The following PEX3 variants were observed in gnomAD, a reference collection of about 807,000 sequenced individuals.
The protein encoded by PEX3 is peroxisomal biogenesis factor 3, also known as peroxin-3.
PEX3 carries 30 observed loss-of-function variants against 55.8 expected under a neutral mutation model. That is an observed-to-expected ratio of 0.54 (90% CI 0.40 to 0.73). The LOEUF is 0.73. Among genes scored for constraint, PEX3 ranks in the 30% least tolerant of loss-of-function variants. PEX3 has a pLI of 0.00. For synonymous variants in PEX3, 135 were observed against 148.4 expected (o/e 0.91, Z 0.66); for missense variants, 351 against 432.8 (o/e 0.81, Z 1.68).
rs1426522557 is a variant in PEX3, at chr6:143,487,501, ATAAAT to A, written c.1039-1637_1039-1633del. Among the ~76,000 whole-genome samples the A allele has an allele frequency of 1.3e-5, 2 of 152,152 alleles. No individual in the cohort carries two copies. Among genetic ancestry groups the A allele is most frequent in the Non-Finnish European group, 2.9e-5 (2 of 67,998 alleles). ...CCAGTGTTTAAATCATTTTTAGTGT[ATAAAT>A]TAAAAACTCAATAAGATCCTTAAGA... On this transcript the variant is annotated intron_variant, in intron 11 of 11. Coordinates refer to ENST00000367591, the MANE Select transcript of PEX3 (RefSeq NM_003630.3). The surrounding 1 kb of genome is among the most constrained non-coding windows in gnomAD (Gnocchi z 5.3).
At chr6:143,473,745 G>A (rs963724419) in intron 8 of PEX3, among the ~76,000 whole-genome samples, 1 of 152,070 alleles carries the variant, frequency 6.6e-6, no homozygotes, top group African/African-American at 2.4e-5. Context: ...AGTGGTGCAT[G>A]GCTATAGTCC....
chr6:143,490,332 C>T lies in PEX3; in HGVS notation c.*1106C>T, dbSNP rs574455895. 58 of 154,034 alleles carry T rather than the reference C, an allele frequency of 3.8e-4. No homozygotes were observed. The highest frequency in any genetic ancestry group is 1.3e-3 in the African/African-American group (52 of 41,568). The allele number at this position is 154,034 out of a possible 1,614,324, so 9.5% of individuals were successfully genotyped here. A position where few individuals can be genotyped will look rare whatever the true frequency, so the allele number is the denominator to read the frequency against. ...GTAACATTGTTTTATGTTCCTCCAG[C>T]GTAACATGTAGCTGAACAGTAGAAG... On this transcript the variant is annotated 3_prime_UTR_variant, in exon 12 of 12. Coordinates refer to ENST00000367591, the MANE Select transcript of PEX3 (RefSeq NM_003630.3). The surrounding 1 kb of genome is among the most constrained non-coding windows in gnomAD (Gnocchi z 6.0).
At position 143,459,176 on chromosome 6, in the gene PEX3, A is replaced by G. The variant is rs41285015; in HGVS notation, c.165A>G (p.Gln55=). ...AAEYIAQARR[Q]YHFESNQRTC... ...AATACATTGCCCAAGCACGACGACA[A>G]TATCATTTTGAAAGTAACCAGAGGA... The change falls in exon 2 of 12, where the codon CAA becomes CAG. Residue 55 remains glutamine (Q), a synonymous_variant. Coordinates refer to ENST00000367591, the MANE Select transcript of PEX3 (RefSeq NM_003630.3). The surrounding 1 kb of genome is among the most constrained non-coding windows in gnomAD (Gnocchi z 4.2). The G allele has an allele frequency of 1.3e-3, 2,087 of 1,612,730 alleles. 1 individual carries two copies. Among genetic ancestry groups the G allele is most frequent in the Admixed American group, 1.7e-3 (103 of 60,014 alleles).
At chr6:143,460,315 A>G (rs1779901359) in intron 2 of PEX3, among the ~76,000 whole-genome samples, 3 of 152,208 alleles carry the variant, frequency 2.0e-5, no homozygotes, top group Non-Finnish European at 1.5e-5. Flanking sequence ...TCATTCTGCA[A>G]AGCGAATAGT....
chr6:143,459,138 A>G lies in PEX3; in HGVS notation c.127A>G (p.Arg43Gly), dbSNP rs757745379. The G allele has an allele frequency of 6.2e-7, 1 of 1,606,066 alleles. No individual in the cohort carries two copies. Among genetic ancestry groups the G allele is most frequent in the African/African-American group, 1.3e-5 (1 of 74,878 alleles). The part of the protein sequence containing the change: ...GQKKIREIQE[R>G]EAAEYIAQAR... ...GAAGAAAATCAGAGAAATACAGGAA[A>G]GGGAGGCTGCAGAATACATTGCCCA... The change falls in exon 2 of 12, where the codon AGG becomes GGG. Residue 43 changes from arginine (R) to glycine (G), a missense_variant. By Grantham distance (125) the Arg-to-Gly change is moderately radical. Coordinates refer to ENST00000367591, the MANE Select transcript of PEX3 (RefSeq NM_003630.3). The surrounding 1 kb of genome is among the most constrained non-coding windows in gnomAD (Gnocchi z 4.2).
At position 143,459,357 on chromosome 6, in the gene PEX3, C is replaced by A; in HGVS notation, c.205+141C>A. On this transcript the variant is annotated intron_variant, in intron 2 of 11. Coordinates refer to ENST00000367591, the MANE Select transcript of PEX3 (RefSeq NM_003630.3). This position sits in a 1 kb window ranked among gnomAD's most constrained non-coding sequence, Gnocchi z 4.2. ...GTGTTTGAATGATTTAACTGAATTA[C>A]ATCATTTTAATGTGAATTTTAAAAA... 1 of 731,702 alleles carries A rather than the reference C, an allele frequency of 1.4e-6. No homozygotes were observed. Among genetic ancestry groups the A allele is most frequent in the Non-Finnish European group, 2.4e-6 (1 of 417,084 alleles). The allele number at this position is 731,702 out of a possible 1,614,324, so 45.3% of individuals were successfully genotyped here.
intron 9 of PEX3, among the ~76,000 whole-genome samples, 183 bp from the exon 10 acceptor site, chr6:143,478,890 CATT>C (rs1390629376): frequency 1.3e-5 from 2 of 152,026 alleles, no homozygotes; most frequent in African/African-American, 4.8e-5. Flanking sequence ...TGAATATTCT[CATT>C]ATGTTGTGCT....
rs981834143 is a variant in PEX3 at position 143,483,317 on chromosome 6, T to G, written c.942-1835T>G. Among the ~76,000 whole-genome samples the G allele has an allele frequency of 7.2e-5, 11 of 152,254 alleles. 2 individuals carry two copies. The highest frequency in any genetic ancestry group is 1.9e-4 in the East Asian group (1 of 5,190). ...ATTGTATAAACTATGAGAAGTGTTATAAAGGAGAAGAACACTGAACGTATA... is the reference window on the plus strand; with the variant it reads ...ATTGTATAAACTATGAGAAGTGTTAGAAAGGAGAAGAACACTGAACGTATA... On this transcript the variant is annotated intron_variant, in intron 10 of 11. Transcript: ENST00000367591. This position sits in a 1 kb window ranked among gnomAD's most constrained non-coding sequence, Gnocchi z 4.3.
Position 143,471,631 on chromosome 6 carries a change from CT to C in PEX3, c.578+24del, listed in dbSNP as rs761854963. 1 of 1,568,968 alleles carries C rather than the reference CT, an allele frequency of 6.4e-7. No homozygotes were observed. The highest frequency in any genetic ancestry group is 8.8e-7 in the Non-Finnish European group (1 of 1,139,800). On this transcript the variant is annotated intron_variant, in intron 7 of 11. Coordinates refer to ENST00000367591, the MANE Select transcript of PEX3 (RefSeq NM_003630.3). The surrounding 1 kb of genome is among the most constrained non-coding windows in gnomAD (Gnocchi z 5.4). ...AGGAAGGTAAGGCATTTTTCTTTGA[CT>C]TTTCTGACTTCTTGATTCTAATGAG...
At chr6:143,469,520 G>T (rs1780041484) in intron 4 of PEX3, among the ~76,000 whole-genome samples, 1 of 152,148 alleles carries the variant, frequency 6.6e-6, no homozygotes. Flanking sequence ...TTTTGATGGG[G>T]TTGTTTGATT....
Position 143,478,294 on chromosome 6 carries a change from A to T in PEX3, c.819-782A>T, listed in dbSNP as rs549429508. Among the ~76,000 whole-genome samples the T allele has an allele frequency of 5.9e-5, 9 of 152,272 alleles. No homozygotes were observed. In the South Asian group the frequency reaches 1.7e-3, roughly 28 times the overall value. ...TGGCTGGAAATGGGCCTAGTGGGTG[A>T]TGAAAATGTTCTAAAATTGGATTGT... On this transcript the variant is annotated intron_variant, in intron 9 of 11. Coordinates refer to ENST00000367591, the MANE Select transcript of PEX3 (RefSeq NM_003630.3).
At chr6:143,467,457 T>G (rs933393592) in intron 3 of PEX3, among the ~76,000 whole-genome samples, 11 of 152,086 alleles carry the variant, frequency 7.2e-5, no homozygotes, top group Non-Finnish European at 2.9e-5. Flanking sequence ...CAATGAACAT[T>G]CTGCATCGAA....
rs1216206528 is a variant in PEX3 at position 143,451,041 on chromosome 6, A to C, written c.-2A>C. On this transcript the variant is annotated 5_prime_UTR_variant, in exon 1 of 12. Coordinates refer to ENST00000367591, the MANE Select transcript of PEX3 (RefSeq NM_003630.3). This position sits in a 1 kb window ranked among gnomAD's most constrained non-coding sequence, Gnocchi z 4.1. ...GTCAGCCCACACCCCTAGGGCCTAA[A>C]GATGCTGAGGTCTGTATGGAATTTT... 4 of 1,611,072 alleles carry C rather than the reference A, an allele frequency of 2.5e-6. No individual in the cohort carries two copies. The Admixed American group carries it at 5.0e-5, about 20-fold the overall frequency.
Position 143,472,305 on chromosome 6 carries a change from G to A in PEX3, c.724G>A (p.Glu242Lys). ...ATTATGCCATTATATGATGCCAGAT[G>A]AAGAAACTCCATTAGCAGTGCAGGT... ...PLLCHYMMPDEETPLAVQACG... is the reference protein window; with the variant it reads ...PLLCHYMMPDKETPLAVQACG... Residue 242 changes from glutamate (E) to lysine (K), a missense_variant, in exon 8 of 12, where the codon GAA becomes AAA. Transcript: ENST00000367591. 1 of 1,609,734 alleles carries A rather than the reference G, an allele frequency of 6.2e-7. No homozygotes were observed. The highest frequency in any genetic ancestry group is 8.5e-7 in the Non-Finnish European group (1 of 1,176,638).
Position 143,458,833 on chromosome 6 carries a change from A to G in PEX3, c.74-252A>G, listed in dbSNP as rs17072644. ...AGTCTACTAGTAAAGGCACTGCCAGACTTTTTAGATTTAATTCCTTTCCCT... is the reference window on the plus strand; with the variant it reads ...AGTCTACTAGTAAAGGCACTGCCAGGCTTTTTAGATTTAATTCCTTTCCCT... On this transcript the variant is annotated intron_variant, in intron 1 of 11. Coordinates refer to ENST00000367591, the MANE Select transcript of PEX3 (RefSeq NM_003630.3). This position sits in a 1 kb window ranked among gnomAD's most constrained non-coding sequence, Gnocchi z 6.1. 0.016 allele frequency among the ~76,000 whole-genome samples: 2,455 copies of G among 152,310 alleles called. 64 individuals are homozygous for G. The highest frequency in any genetic ancestry group is 0.057 in the African/African-American group (2,352 of 41,570).
chr6:143,465,672 CA>C lies in PEX3; in HGVS notation c.288-2449del, dbSNP rs1214491463. Among the ~76,000 whole-genome samples, 1 of 151,934 alleles carries C rather than the reference CA, an allele frequency of 6.6e-6. No individual in the cohort carries two copies. Among genetic ancestry groups the C allele is most frequent in the African/African-American group, 2.4e-5 (1 of 41,392 alleles). On this transcript the variant is annotated intron_variant, in intron 3 of 11. Transcript: ENST00000367591. The surrounding 1 kb of genome is among the most constrained non-coding windows in gnomAD (Gnocchi z 4.7). ...TCACCTTTGAATTGTGGTTGATTCC[CA>C]GTTTAATCCGAATACATATGACATT...
intron 4 of PEX3, among the ~76,000 whole-genome samples, chr6:143,468,798 C>G (rs531033804): frequency 0.017 from 119 of 6,826 alleles, 1 homozygote; most frequent in African/African-American, 0.062. Context: ...TCTCCTAATG[C>G]TATCCCCCCC....
Position 143,479,978 on chromosome 6 carries a change from A to C in PEX3, c.941+780A>C, listed in dbSNP as rs1780212534. 6.6e-6 allele frequency among the ~76,000 whole-genome samples: 1 copy of C among 151,914 alleles called. No homozygotes were observed. Among genetic ancestry groups the C allele is most frequent in the Non-Finnish European group, 1.5e-5 (1 of 67,898 alleles). Reference sequence around the variant, plus strand: ...AAGTAGCTTTAAAATTTTTTTTTTAATTGGGGACACAGTAATTGATAGGCA... The same window carrying C: ...AAGTAGCTTTAAAATTTTTTTTTTACTTGGGGACACAGTAATTGATAGGCA... On this transcript the variant is annotated intron_variant, in intron 10 of 11. Transcript: ENST00000367591. This position sits in a 1 kb window ranked among gnomAD's most constrained non-coding sequence, Gnocchi z 4.6.
At position 143,487,876 on chromosome 6, in the gene PEX3, G is replaced by T. The variant is rs3804544; in HGVS notation, c.1039-1267G>T. ...AAGTAATGTTACTTAAAGCCAATAA[G>T]AACATAAATATAAACAAATGCCCTA... On this transcript the variant is annotated intron_variant, in intron 11 of 11. Transcript: ENST00000367591. The surrounding 1 kb of genome is among the most constrained non-coding windows in gnomAD (Gnocchi z 5.3). 0.16 allele frequency among the ~76,000 whole-genome samples: 24,230 copies of T among 151,980 alleles called. 2,513 individuals carry two copies. Among genetic ancestry groups the T allele is most frequent in the Non-Finnish European group, 0.21 (14,303 of 67,890 alleles).
Sources: gnomAD v4.1 joint callset for allele counts (sites outside exome capture counted in the v4.1 genomes callset) on GRCh38, gnomAD v4.1.1 for gene constraint, Gnocchi (gnomAD v3.1) non-coding constraint, MANE v1.5 for transcripts, NCBI Gene and HGNC (gene_info 2026-07-23, HGNC 2026-07-21) for gene names.